Variants in HDAC9 observed in about 807,000 individuals in gnomAD.
The protein encoded by HDAC9 is MEF-2 interacting transcription repressor (MITR) protein.
Under a neutral mutation model 139.4 loss-of-function variants are expected in HDAC9, and 41 were observed. The ratio of observed to expected loss-of-function variants is 0.29; its 90% CI spans 0.23 to 0.38. The LOEUF (loss-of-function observed/expected upper bound fraction) is 0.38, where lower values mean the gene tolerates loss of function less well. Among genes scored for constraint, HDAC9 ranks in the 10% least tolerant of loss-of-function variants. The pLI, the probability that HDAC9 is intolerant of heterozygous loss-of-function variation, is 1.00. For synonymous variants in HDAC9, 517 were observed against 476.2 expected (o/e 1.09, Z -1.12); for missense variants, 1,147 against 1,297.0 (o/e 0.88, Z 1.78).
chr7:18,425,944 G>C (rs1790077215), intron 1 of HDAC9, among the ~76,000 whole-genome samples: 1 of 152,174 alleles, frequency 6.6e-6, no homozygotes, highest in African/African-American at 2.4e-5. Flanking sequence ...TTAACTTTGG[G>C]AGGACACAAC....
intron 1 of HDAC9, among the ~76,000 whole-genome samples, chr7:18,315,746 G>T (rs1283300555): frequency 6.6e-6 from 1 of 152,210 alleles, no homozygotes; most frequent in Non-Finnish European, 1.5e-5. Context: ...ATTTATGGAA[G>T]TGTGCATTTC....
At chr7:18,150,428 G>T (rs1431384554) in intron 1 of HDAC9, among the ~76,000 whole-genome samples, 1 of 152,154 alleles carries the variant, frequency 6.6e-6, no homozygotes, top group Non-Finnish European at 1.5e-5. Context: ...AGAAGCGCTT[G>T]TATTGACAAA....
intron 13 of HDAC9, among the ~76,000 whole-genome samples, chr7:18,735,013 C>CTGT (rs1269987722): frequency 6.6e-6 from 1 of 152,128 alleles, no homozygotes; most frequent in Non-Finnish European, 1.5e-5. Flanking sequence ...TTTCATGTAT[C>CTGT]TGTTGGCTGC....
intron 13 of HDAC9, among the ~76,000 whole-genome samples, chr7:18,742,274 A>G (rs1584955130): frequency 6.6e-6 from 1 of 152,236 alleles, no homozygotes; most frequent in African/African-American, 2.4e-5. Flanking sequence ...AGAAATTGCC[A>G]CAGCCACTCC....
At chr7:18,724,642 G>A (rs908993929) in intron 12 of HDAC9, among the ~76,000 whole-genome samples, 1 of 152,132 alleles carries the variant, frequency 6.6e-6, no homozygotes, top group Non-Finnish European at 1.5e-5. Context: ...ACATTAGGAA[G>A]GCTCATACGT....
intron 1 of HDAC9, among the ~76,000 whole-genome samples, chr7:18,159,381 A>T (rs1292434772): frequency 1.3e-5 from 2 of 152,192 alleles, no homozygotes; most frequent in East Asian, 3.8e-4. Flanking sequence ...TCTGCAGCCC[A>T]TTTGGATAAA....
At chr7:18,399,947 G>A (rs1321343699) in intron 1 of HDAC9, among the ~76,000 whole-genome samples, 1 of 152,184 alleles carries the variant, frequency 6.6e-6, no homozygotes, top group Non-Finnish European at 1.5e-5. Flanking sequence ...ATGCTTAGGA[G>A]GTCACAGAAC....
rs1350467162 is a variant in HDAC9 at position 18,730,720 on chromosome 7, A to G, written c.1909+2963A>G. On this transcript the variant is annotated intron_variant, in intron 13 of 25. Transcript: ENST00000686413. ...GTGTGGTGGGACAGAAAACAATCAC[A>G]AATTTCTTTTTTCTTCATCACAACT... 3.3e-5 allele frequency among the ~76,000 whole-genome samples: 5 copies of G among 152,206 alleles called. No homozygotes were observed. The East Asian group carries it at 5.8e-4, about 18-fold the overall frequency.
At chr7:18,432,857 A>G (rs1342257056) in intron 1 of HDAC9, among the ~76,000 whole-genome samples, 1 of 152,180 alleles carries the variant, frequency 6.6e-6, no homozygotes, top group East Asian at 1.9e-4. Context: ...AGGCTGAGGC[A>G]GGAGAATGGC....
At chr7:18,185,223 C>T (rs1406228837) in intron 2 of HDAC9, among the ~76,000 whole-genome samples, 1 of 152,188 alleles carries the variant, frequency 6.6e-6, no homozygotes, top group African/African-American at 2.4e-5. Flanking sequence ...GCCACTGATT[C>T]TCAGTTTGGA....
chr7:18,591,022 C>T (rs1046266951), intron 4 of HDAC9, among the ~76,000 whole-genome samples: 1 of 152,134 alleles, frequency 6.6e-6, no homozygotes, highest in African/African-American at 2.4e-5. Context: ...AATTTGATGA[C>T]TTGAACTGGA....
intron 2 of HDAC9, among the ~76,000 whole-genome samples, chr7:18,572,108 GA>G (rs1280236161): frequency 4.0e-5 from 6 of 151,640 alleles, no homozygotes; most frequent in Non-Finnish European, 8.8e-5. Context: ...GTTAGAGAAG[GA>G]TATTTGCTAA....
intron 12 of HDAC9, among the ~76,000 whole-genome samples, chr7:18,721,672 C>A (rs1224184990): frequency 3.3e-5 from 5 of 151,992 alleles, no homozygotes. Context: ...TCATCCAGAG[C>A]AAAGTGAAAA....
chr7:18,343,669 A>G (rs1406648766), intron 1 of HDAC9, among the ~76,000 whole-genome samples: 2 of 151,890 alleles, frequency 1.3e-5, no homozygotes, highest in African/African-American at 2.4e-5. Flanking sequence ...ATAAATTTCT[A>G]CCTTGGATCT....
chr7:18,937,102 C>T (rs769132146), intron 23 of HDAC9, among the ~76,000 whole-genome samples: 40 of 143,822 alleles, frequency 2.8e-4, no homozygotes, highest in East Asian at 2.0e-3. Context: ...TGCAGTGGCG[C>T]GATCTCGGCT....
intron 21 of HDAC9, among the ~76,000 whole-genome samples, chr7:18,873,326 T>A (rs1169574545): frequency 2.6e-5 from 4 of 152,180 alleles, no homozygotes; most frequent in African/African-American, 9.6e-5. Flanking sequence ...GGAAGTCACT[T>A]ACATGTGTAT....
At chr7:18,501,519 GT>G (rs1350977186) in intron 2 of HDAC9, among the ~76,000 whole-genome samples, 8 of 152,136 alleles carry the variant, frequency 5.3e-5, no homozygotes, top group Admixed American at 5.2e-4. Context: ...TTCAACTGCA[GT>G]TTTAAATCTG....
At chr7:18,166,888 C>T (rs1049560271) in intron 2 of HDAC9, among the ~76,000 whole-genome samples, 3 of 151,858 alleles carry the variant, frequency 2.0e-5, no homozygotes, top group African/African-American at 4.8e-5. Context: ...AGTGTGTTAC[C>T]AAAAAAATGA....
At chr7:18,876,498 A>T (rs1799329641) in intron 22 of HDAC9, among the ~76,000 whole-genome samples, 1 of 152,196 alleles carries the variant, frequency 6.6e-6, no homozygotes, top group Admixed American at 6.5e-5. Flanking sequence ...CAATGAGAAG[A>T]GAAGTCCTTA....
Sources: gnomAD v4.1 joint callset for allele counts (sites outside exome capture counted in the v4.1 genomes callset) on GRCh38, gnomAD v4.1.1 for gene constraint, MANE v1.5 for transcripts, NCBI Gene and HGNC (gene_info 2026-07-23, HGNC 2026-07-21) for gene names.